DDX52: variants seen among roughly 807,000 people sequenced by gnomAD.
DDX52 encodes the protein probable ATP-dependent RNA helicase DDX52.
In DDX52, 59 loss-of-function variants were observed where a neutral mutation model predicts 76.1. That is an observed-to-expected ratio of 0.78 (90% CI 0.63 to 0.96). The LOEUF is 0.96. Ranked by LOEUF, DDX52 falls within the 40% of genes least tolerant of loss-of-function variation. DDX52 has a pLI of 0.00. For missense variants in DDX52, 707 were observed against 703.9 expected, an observed-to-expected ratio of 1.00 and a Z score of -0.05; for synonymous variants, 231 against 244.1, an observed-to-expected ratio of 0.95 and a Z score of 0.50.
intron 7 of DDX52, 125 bp from the exon 8 acceptor site, chr17:37,626,223 C>T (rs1450143422): frequency 1.0e-6 from 1 of 957,100 alleles, no homozygotes; most frequent in East Asian, 2.7e-5. Context: ...TCCACTTTAT[C>T]ATACCAAAAA....
At position 37,626,107 on chromosome 17, in the gene DDX52, T is replaced by G; in HGVS notation, c.933-9A>C. On this transcript the variant is annotated splice_polypyrimidine_tract_variant and intron_variant, in intron 7 of 14. Coordinates refer to ENST00000617633, the MANE Select transcript of DDX52 (RefSeq NM_007010.5). ...CTACAAGCCACTCAACACTAAGAAA[T>G]AACAAAACAACTTGTGGATACTGAA... is the stretch of plus-strand genomic sequence containing the variant. The G allele has an allele frequency of 6.2e-7, 1 of 1,613,652 alleles. No individual in the cohort carries two copies. The highest frequency in any genetic ancestry group is 1.3e-5 in the African/African-American group (1 of 74,898).
rs760134811 is a variant in DDX52, at chr17:37,632,291, A to G, written c.425T>C (p.Phe142Ser). 1 of 1,613,934 alleles carries G rather than the reference A, an allele frequency of 6.2e-7. No individual in the cohort carries two copies. The highest frequency in any genetic ancestry group is 8.5e-7 in the Non-Finnish European group (1 of 1,179,998). Residue 142 changes from phenylalanine to serine, a missense_variant, in exon 4 of 15, where the codon TTC becomes TCC. Coordinates refer to ENST00000617633, the MANE Select transcript of DDX52 (RefSeq NM_007010.5). ...GTGAATTTTGTGTTTATTCCGCAAG[A>G]AGTTTATCTGAAAAGTGAAGTAAAG... ...LENLRKEKINFLRNKHKIHVQ... is the reference protein window; with the variant it reads ...LENLRKEKINSLRNKHKIHVQ...
At chr17:37,629,903 G>A (rs1047807266) in intron 5 of DDX52, 127 bp downstream of exon 5, 3 of 1,300,742 alleles carry the variant, frequency 2.3e-6, no homozygotes, top group Non-Finnish European at 3.2e-6. Flanking sequence ...ACTGTGCTGT[G>A]TAGAGGATAC....
chr17:37,637,319 C>T (rs1318436390), intron 2 of DDX52, among the ~76,000 whole-genome samples: 7 of 151,352 alleles, frequency 4.6e-5, no homozygotes, highest in Non-Finnish European at 1.0e-4. Flanking sequence ...TTAGTAGAGA[C>T]GGGGTTTCAC....
chr17:37,628,631 G>C lies in DDX52; in HGVS notation c.789C>G (p.Phe263Leu). Residue 263 changes from phenylalanine to leucine, a missense_variant, in exon 6 of 15, where the codon TTC becomes TTG. Phe to Leu is a conservative substitution (Grantham distance 22, BLOSUM62 0). Coordinates refer to ENST00000617633, the MANE Select transcript of DDX52 (RefSeq NM_007010.5). ...ELIKISEGTG[F>L]RIHMIHKAAV... ...CTGCTTTGTGGATCATGTGTATTCT[G>C]AATCCTGTTCCCTCAGAAATTTTTA... is the stretch of plus-strand genomic sequence containing the variant. 2 of 1,606,704 alleles carry C rather than the reference G, an allele frequency of 1.2e-6. No homozygotes were observed. Among genetic ancestry groups the C allele is most frequent in the Non-Finnish European group, 1.7e-6 (2 of 1,178,076 alleles).
chr17:37,630,075 G>A lies in DDX52; in HGVS notation c.702C>T (p.Gly234=), dbSNP rs781772099. ...TTGGTGATATAATCAGGGCTCTGAA[G>A]CCTTTATTTGCGGGTTGTTTCAGCT... is the stretch of plus-strand genomic sequence containing the variant. ...LMQLKQPANK[G]FRALIISPTR... is the part of the protein sequence containing the mutation. Residue 234 remains glycine, a synonymous_variant, in exon 5 of 15, where the codon GGC becomes GGT. Transcript: ENST00000617633. 6.2e-7 allele frequency: 1 copy of A among 1,613,998 alleles called. No homozygotes were observed. The highest frequency in any genetic ancestry group is 1.1e-5 in the South Asian group (1 of 91,040).
chr17:37,625,925 T>C lies in DDX52; in HGVS notation c.1106A>G (p.Asp369Gly), dbSNP rs922233573. Residue 369 changes from aspartate to glycine, a missense_variant, in exon 8 of 15, where the codon GAC becomes GGC. Transcript: ENST00000617633. Reference protein sequence around the residue: ...DVEQWCKLNLDNVISVSIGAR... With the variant: ...DVEQWCKLNLGNVISVSIGAR... ...TCCAATGGACACACTGATGACATTG[T>C]CCAGGTTGAGTTTGCACCACTGTTC... is the stretch of plus-strand genomic sequence containing the variant. The C allele has an allele frequency of 1.9e-6, 3 of 1,614,088 alleles. No individual in the cohort carries two copies. Among genetic ancestry groups the C allele is most frequent in the Non-Finnish European group, 2.5e-6 (3 of 1,179,986 alleles).
At chr17:37,616,662 C>CAAAAA (rs1188716926) in intron 14 of DDX52, among the ~76,000 whole-genome samples, 4 of 122,456 alleles carry the variant, frequency 3.3e-5, no homozygotes, top group Admixed American at 2.5e-4. Context: ...GACTCCATCT[C>CAAAAA]AAAAAAAAAA....
At chr17:37,633,517 G>C in intron 2 of DDX52, 99 bp from the exon 3 acceptor site, 1 of 991,732 alleles carries the variant, frequency 1.0e-6, no homozygotes, top group Non-Finnish European at 1.3e-6. Flanking sequence ...TCAAGGGTGG[G>C]TGGTGGTGCA....
At chr17:37,618,066 G>A (rs564228207) in intron 14 of DDX52, among the ~76,000 whole-genome samples, 39 of 152,310 alleles carry the variant, frequency 2.6e-4, no homozygotes, top group Non-Finnish European at 4.3e-4. Context: ...AGTGAGCTGA[G>A]ATCACGCCAC....
Position 37,619,834 on chromosome 17 carries a change from G to A in DDX52, c.1583C>T (p.Ala528Val). 6.2e-7 allele frequency: 1 copy of A among 1,612,228 alleles called. No homozygotes were observed. Among genetic ancestry groups the A allele is most frequent in the Non-Finnish European group, 8.5e-7 (1 of 1,179,524 alleles). The change falls in exon 13 of 15, where the codon GCT becomes GTT. Residue 528 changes from alanine (A) to valine (V), a missense_variant. Coordinates refer to ENST00000617633, the MANE Select transcript of DDX52 (RefSeq NM_007010.5). ...ACACCCAGCCTGCTGTATAACATTA[G>A]CAACGCTGAAAAAGAAACCCATAAA... ...EDDKPLLRSV[A>V]NVIQQAGCPV...
intron 2 of DDX52, 122 bp from the exon 3 acceptor site, chr17:37,633,540 C>A: frequency 1.4e-6 from 1 of 703,810 alleles, no homozygotes; most frequent in Non-Finnish European, 1.9e-6. Context: ...CCTGTAGTCC[C>A]AGCTACTTAG....
Position 37,628,682 on chromosome 17 carries a change from A to G in DDX52, c.748-10T>C, listed in dbSNP as rs1213974768. 1 of 1,564,112 alleles carries G rather than the reference A, an allele frequency of 6.4e-7. No individual in the cohort carries two copies. The highest frequency in any genetic ancestry group is 2.2e-5 in the East Asian group (1 of 44,624). The stretch of plus-strand genomic sequence containing the variant: ...TTAACTCTCTGTGAATCTAAAAAAA[A>G]AAAGATTAAAAACATTAGCTGCTAA... On this transcript the variant is annotated splice_polypyrimidine_tract_variant and intron_variant, in intron 5 of 14. Coordinates refer to ENST00000617633, the MANE Select transcript of DDX52 (RefSeq NM_007010.5).
chr17:37,616,336 C>T (rs1021224643), intron 14 of DDX52, among the ~76,000 whole-genome samples: 3 of 152,134 alleles, frequency 2.0e-5, no homozygotes, highest in Admixed American at 6.5e-5. Flanking sequence ...GAAACTGTTG[C>T]GACAGAAAAT....
chr17:37,627,777 G>T (rs1299672149), intron 6 of DDX52, among the ~76,000 whole-genome samples: 3 of 150,832 alleles, frequency 2.0e-5, no homozygotes, highest in South Asian at 2.1e-4. Flanking sequence ...CGTTCTTTTT[G>T]TTTTTTTTAA....
At chr17:37,634,668 T>G (rs1197505916) in intron 2 of DDX52, among the ~76,000 whole-genome samples, 1 of 152,102 alleles carries the variant, frequency 6.6e-6, no homozygotes, top group Admixed American at 6.5e-5. Flanking sequence ...CACAATACTT[T>G]GAACTACTCA....
At chr17:37,642,709 T>C (rs2031259002) in intron 1 of DDX52, 2 of 211,572 alleles carry the variant, frequency 9.5e-6, no homozygotes, top group Non-Finnish European at 1.9e-5. Flanking sequence ...GGCTCCAGAG[T>C]TCATACTCAC....
intron 2 of DDX52, among the ~76,000 whole-genome samples, chr17:37,634,273 C>A (rs2030825657): frequency 6.6e-6 from 1 of 151,786 alleles, no homozygotes; most frequent in Non-Finnish European, 1.5e-5. Context: ...AATAAGGCAG[C>A]CACGTTCTCT....
intron 2 of DDX52, among the ~76,000 whole-genome samples, chr17:37,638,113 G>T (rs983607459): frequency 1.6e-4 from 24 of 152,324 alleles, no homozygotes; most frequent in African/African-American, 5.8e-4. Context: ...CCAAGAGGTG[G>T]AAGTGGTCCA....
Sources: allele counts gnomAD v4.1 joint callset (sites outside exome capture counted in the v4.1 genomes callset), GRCh38; gene constraint gnomAD v4.1.1; transcripts MANE v1.5; gene names NCBI Gene and HGNC (gene_info 2026-07-23, HGNC 2026-07-21).